The following NME7 variants were observed in gnomAD, a reference collection of about 807,000 sequenced individuals.
NME7 encodes the protein nucleoside diphosphate kinase 7.
A neutral mutation model predicts 49.1 loss-of-function variants in NME7; 41 were observed. The ratio of observed to expected loss-of-function variants is 0.83; its 90% confidence interval spans 0.65 to 1.08. The LOEUF (loss-of-function observed/expected upper bound fraction) is 1.08, where lower values mean the gene tolerates loss of function less well. Among genes scored for constraint, NME7 ranks in the 50% least tolerant of loss-of-function variants. The probability of loss-of-function intolerance (pLI) is 0.00; values close to 1 mark genes in which losing one functional copy is unlikely to be tolerated. For missense variants in NME7, 423 were observed against 463.4 expected (o/e 0.91, Z 0.80); for synonymous variants, 139 against 150.6 (o/e 0.92, Z 0.56).
chr1:169,279,248 G>A (rs183175612), intron 7 of NME7, among the ~76,000 whole-genome samples: 3 of 152,336 alleles, frequency 2.0e-5, no homozygotes, highest in African/African-American at 2.4e-5. Flanking sequence ...AGTCTGCAGA[G>A]GTTACCGCTG....
In NME7 at chr1:169,230,829, G is replaced by C; in HGVS notation, c.889-10C>G. The C allele has an allele frequency of 3.9e-6, 6 of 1,520,234 alleles. No homozygotes were observed. The highest frequency in any genetic ancestry group is 5.3e-6 in the Non-Finnish European group (6 of 1,121,790). The allele number at this position is 1,520,234 out of a possible 1,614,324, so 94.2% of individuals were successfully genotyped here. A position where few individuals can be genotyped will look rare whatever the true frequency, so the allele number is the denominator to read the frequency against. ...TTTCTGTCACCATGTCCTATGATAT[G>C]TAATATAAAAGAATGAAAAGAATTT... On this transcript the variant is annotated splice_polypyrimidine_tract_variant and intron_variant, in intron 9 of 11. Coordinates refer to ENST00000367811, the MANE Select transcript of NME7 (RefSeq NM_013330.5).
intron 5 of NME7, among the ~76,000 whole-genome samples, chr1:169,299,776 C>T (rs957560772): frequency 3.3e-5 from 5 of 152,078 alleles, no homozygotes; most frequent in African/African-American, 1.2e-4. Flanking sequence ...TTCTTGTCTT[C>T]TATCCTAAGA....
intron 11 of NME7, among the ~76,000 whole-genome samples, chr1:169,152,641 T>C (rs1658944506): frequency 6.6e-6 from 1 of 152,204 alleles, no homozygotes; most frequent in Non-Finnish European, 1.5e-5. Context: ...AGGAGACAGA[T>C]ACTCTTCAAA....
intron 1 of NME7, among the ~76,000 whole-genome samples, chr1:169,348,557 AATT>A (rs1384239536): frequency 2.0e-5 from 3 of 152,142 alleles, no homozygotes; most frequent in Non-Finnish European, 4.4e-5. Flanking sequence ...ATATGATTAA[AATT>A]AATAAGCAAC....
intron 1 of NME7, among the ~76,000 whole-genome samples, chr1:169,325,679 GTTCTTTTTAAGTTAATAA>G (rs1376788383): frequency 1.3e-5 from 2 of 152,190 alleles, no homozygotes; most frequent in East Asian, 1.9e-4. Context: ...AAATTTGGGG[GTTCTTTTTAAGTTAATAA>G]TTGACTTATA....
intron 10 of NME7, among the ~76,000 whole-genome samples, chr1:169,230,216 T>C (rs539043671): frequency 3.9e-4 from 59 of 152,186 alleles, no homozygotes; most frequent in African/African-American, 1.4e-3. Flanking sequence ...CATACATACA[T>C]GCACTGTTAA....
rs771881486 is a variant in NME7 at position 169,367,712 on chromosome 1, G to A, written c.-2C>T. 1 of 1,614,112 alleles carries A rather than the reference G, an allele frequency of 6.2e-7. No individual in the cohort carries two copies. The highest frequency in any genetic ancestry group is 1.1e-5 in the South Asian group (1 of 91,082). The stretch of plus-strand genomic sequence containing the variant: ...CTGGCATCCCCTGGCACTCACCATT[G>A]TCTCAGGATCTCAGCACTAGAAAAT... On this transcript the variant is annotated 5_prime_UTR_variant, in exon 1 of 12. Coordinates refer to ENST00000367811, the MANE Select transcript of NME7 (RefSeq NM_013330.5).
chr1:169,231,930 A>G (rs1239652071), intron 9 of NME7, among the ~76,000 whole-genome samples: 1 of 152,210 alleles, frequency 6.6e-6, no homozygotes, highest in Non-Finnish European at 1.5e-5. Flanking sequence ...AAATTTTACA[A>G]TATACAGTAT....
At chr1:169,337,401 C>T (rs1209177512) in intron 1 of NME7, among the ~76,000 whole-genome samples, 1 of 152,192 alleles carries the variant, frequency 6.6e-6, no homozygotes, top group African/African-American at 2.4e-5. Context: ...CACGCCCACC[C>T]GGAACTCCAG....
intron 11 of NME7, among the ~76,000 whole-genome samples, chr1:169,147,203 A>G (rs909352497): frequency 6.6e-6 from 1 of 152,248 alleles, no homozygotes; most frequent in Non-Finnish European, 1.5e-5. Context: ...ATATCAGTTA[A>G]TAAGGATAAA....
intron 9 of NME7, among the ~76,000 whole-genome samples, chr1:169,233,019 A>T (rs1200818977): frequency 1.3e-5 from 2 of 148,674 alleles, no homozygotes; most frequent in African/African-American, 5.0e-5. Context: ...CCAGGGTTCA[A>T]GCTATTCTCA....
At position 169,287,338 on chromosome 1, in the gene NME7, G is replaced by C. The variant is rs369297997; in HGVS notation, c.719C>G (p.Thr240Ser). ...AGCATGGGGTTTAACAATGCAACAG[G>C]TACAATTAGTAAATTTAGCAGTGTT... ...PANTAKFTNCTCCIVKPHAVS... is the reference protein window; with the variant it reads ...PANTAKFTNCSCCIVKPHAVS... The change falls in exon 7 of 12, where the codon ACC (threonine) becomes AGC (serine). Residue 240 changes from threonine to serine, a missense_variant. By Grantham distance (58) the Thr-to-Ser change is moderately conservative. Coordinates refer to ENST00000367811, the MANE Select transcript of NME7 (RefSeq NM_013330.5). 4 of 1,602,834 alleles carry C rather than the reference G, an allele frequency of 2.5e-6. No homozygotes were observed. Among genetic ancestry groups the C allele is most frequent in the Non-Finnish European group, 3.4e-6 (4 of 1,174,274 alleles).
At chr1:169,215,907 T>C (rs377569637) in intron 10 of NME7, among the ~76,000 whole-genome samples, 14 of 152,248 alleles carry the variant, frequency 9.2e-5, no homozygotes, top group African/African-American at 2.4e-4. Flanking sequence ...GTCAAATTCA[T>C]AGAAATTGAG....
chr1:169,183,476 G>A (rs1364031873), intron 10 of NME7, among the ~76,000 whole-genome samples: 1 of 152,186 alleles, frequency 6.6e-6, no homozygotes, highest in African/African-American at 2.4e-5. Flanking sequence ...ATAGTTGCAA[G>A]TCAAGTATAT....
intron 7 of NME7, among the ~76,000 whole-genome samples, chr1:169,241,879 C>T (rs919938460): frequency 6.7e-6 from 1 of 150,062 alleles, no homozygotes; most frequent in African/African-American, 2.4e-5. Flanking sequence ...GAAGACAGTA[C>T]AAAAAACGAA....
intron 3 of NME7, among the ~76,000 whole-genome samples, chr1:169,318,913 A>G (rs1224223533): frequency 6.6e-6 from 1 of 152,146 alleles, no homozygotes; most frequent in Non-Finnish European, 1.5e-5. Context: ...GAAGTGCCAT[A>G]ACAACCAGGG....
chr1:169,170,777 A>C (rs1313758685), intron 10 of NME7, among the ~76,000 whole-genome samples: 1 of 152,120 alleles, frequency 6.6e-6, no homozygotes, highest in Non-Finnish European at 1.5e-5. Flanking sequence ...CTCTACAAAA[A>C]TTAGCTGGGC....
chr1:169,322,813 A>C (rs1031705902), intron 3 of NME7, among the ~76,000 whole-genome samples: 4 of 152,166 alleles, frequency 2.6e-5, no homozygotes, highest in African/African-American at 9.6e-5. Context: ...AAAGGAAAGA[A>C]TAGATCATAG....
intron 1 of NME7, among the ~76,000 whole-genome samples, chr1:169,360,373 G>C (rs1240003281): frequency 6.6e-6 from 1 of 152,084 alleles, no homozygotes; most frequent in African/African-American, 2.4e-5. Context: ...TAAGCACCAA[G>C]AGACCAAATT....
Sources: gnomAD v4.1 joint callset for allele counts (sites outside exome capture counted in the v4.1 genomes callset) on GRCh38, gnomAD v4.1.1 for gene constraint, MANE v1.5 for transcripts, NCBI Gene and HGNC (gene_info 2026-07-23, HGNC 2026-07-21) for gene names.